Variants in ZNF609 observed in about 807,000 individuals in gnomAD.
ZNF609 encodes the protein zinc finger protein 609.
A neutral mutation model predicts 109.5 loss-of-function variants in ZNF609; 11 were observed. That is an observed-to-expected ratio of 0.10 (90% CI 0.06 to 0.17). The LOEUF is 0.17. ZNF609 is among the 10% of genes least tolerant of loss of function. The pLI, the probability that ZNF609 is intolerant of heterozygous loss-of-function variation, is 1.00. For missense variants in ZNF609, 1,559 were observed against 1,772.4 expected, an observed-to-expected ratio of 0.88 and a Z score of 2.16; for synonymous variants, 646 against 662.0, an observed-to-expected ratio of 0.98 and a Z score of 0.37.
rs545483394 is a variant in ZNF609 at position 64,507,038 on chromosome 15, T to TG, written c.747+6878dup. On this transcript the variant is annotated intron_variant, in intron 2 of 9. Coordinates refer to ENST00000326648, the MANE Select transcript of ZNF609 (RefSeq NM_015042.2). Reference sequence around the variant, plus strand: ...AGCCCCTGATAATTATAGTTGGAGGTGGGGGGAAGACCAAAAATTAGCTTA... The same window carrying TG: ...AGCCCCTGATAATTATAGTTGGAGGTGGGGGGGAAGACCAAAAATTAGCTTA... 1.2e-3 allele frequency among the ~76,000 whole-genome samples: 188 copies of TG among 152,130 alleles called. 1 individual carries two copies. Among genetic ancestry groups the TG allele is most frequent in the African/African-American group, 4.1e-3 (172 of 41,496 alleles).
At chr15:64,529,154 C>T in intron 2 of ZNF609, 2 of 744,292 alleles carry the variant, frequency 2.7e-6, no homozygotes, top group East Asian at 2.5e-5. Flanking sequence ...GTCATGAATC[C>T]TTCTATGATA....
chr15:64,674,375 G>A lies in ZNF609; in HGVS notation c.1521G>A (p.Lys507=). 1.2e-6 allele frequency: 2 copies of A among 1,614,118 alleles called. No individual in the cohort carries two copies. Among genetic ancestry groups the A allele is most frequent in the African/African-American group, 1.3e-5 (1 of 75,004 alleles). The change falls in exon 5 of 10, where the codon AAG becomes AAA. Residue 507 remains lysine (K), a synonymous_variant. Coordinates refer to ENST00000326648, the MANE Select transcript of ZNF609 (RefSeq NM_015042.2). ...CPHPNCNKKY[K]HINGLKYHQA... is the part of the protein sequence containing the mutation. ...ACCCAAACTGCAACAAGAAGTACAA[G>A]CACATCAATGGACTTAAGTACCACC... is the stretch of plus-strand genomic sequence containing the variant.
intron 3 of ZNF609, chr15:64,631,287 G>T: frequency 3.0e-6 from 2 of 665,170 alleles, no homozygotes; most frequent in Non-Finnish European, 5.6e-6. Flanking sequence ...AGCTATCTTG[G>T]CTTTTAGAGA....
intron 3 of ZNF609, among the ~76,000 whole-genome samples, chr15:64,634,972 C>T (rs10519273): frequency 0.043 from 6,478 of 152,174 alleles, 459 homozygotes; most frequent in African/African-American, 0.15. Context: ...GTTTATATAC[C>T]TTTGTGGATT....
intron 2 of ZNF609, among the ~76,000 whole-genome samples, chr15:64,616,413 G>T (rs999208441): frequency 1.3e-5 from 2 of 152,004 alleles, no homozygotes; most frequent in African/African-American, 4.8e-5. Flanking sequence ...TCTTTGTGGG[G>T]AGATGAATGA....
chr15:64,571,074 T>C (rs927574489), intron 2 of ZNF609, among the ~76,000 whole-genome samples: 2 of 152,210 alleles, frequency 1.3e-5, no homozygotes, highest in Admixed American at 6.5e-5. Flanking sequence ...CATATCTTTT[T>C]CTTTTTAAAA....
intron 2 of ZNF609, among the ~76,000 whole-genome samples, chr15:64,577,901 A>T (rs1170440223): frequency 6.6e-6 from 1 of 151,656 alleles, no homozygotes; most frequent in Admixed American, 6.6e-5. Flanking sequence ...TATGCCTGTA[A>T]CCCAACACTT....
At position 64,499,940 on chromosome 15, in the gene ZNF609, G is replaced by C. The variant is rs771648403; in HGVS notation, c.521G>C (p.Gly174Ala). ...AAGAGCAAGAAGGAGAGAAGCGAAG[G>C]AGTGGGGACTTGTTCAGAAAAGGAT... ...SSKSKKERSE[G>A]VGTCSEKDPG... is the part of the protein sequence containing the mutation. Residue 174 changes from glycine to alanine, a missense_variant, in exon 2 of 10, where the codon GGA becomes GCA. Physicochemically the swap from Gly to Ala is moderately conservative, Grantham distance 60. This residue lies in a region of ZNF609 where 291 missense variants were observed against 317.8 expected (regional missense o/e 0.92). Coordinates refer to ENST00000326648, the MANE Select transcript of ZNF609 (RefSeq NM_015042.2). 18 of 1,613,978 alleles carry C rather than the reference G, an allele frequency of 1.1e-5. No individual in the cohort carries two copies. Among genetic ancestry groups the C allele is most frequent in the Non-Finnish European group, 1.4e-5 (17 of 1,180,020 alleles).
At position 64,667,061 on chromosome 15, in the gene ZNF609, C is replaced by T. The variant is rs147148732; in HGVS notation, c.974-3285C>T. ...AGGAGAATGGCGTGAACCCGGGAGACGGAGCTTATAGTGAGCCGAGATTCG... is the reference window on the plus strand; with the variant it reads ...AGGAGAATGGCGTGAACCCGGGAGATGGAGCTTATAGTGAGCCGAGATTCG... On this transcript the variant is annotated intron_variant, in intron 3 of 9. Coordinates refer to ENST00000326648, the MANE Select transcript of ZNF609 (RefSeq NM_015042.2). Among the ~76,000 whole-genome samples, 572 of 152,000 alleles carry T rather than the reference C, an allele frequency of 3.8e-3. 5 individuals are homozygous for T. Among genetic ancestry groups the T allele is most frequent in the African/African-American group, 0.013 (551 of 41,496 alleles).
intron 4 of ZNF609, among the ~76,000 whole-genome samples, chr15:64,672,479 G>A (rs1896746946): frequency 1.3e-5 from 2 of 150,014 alleles, no homozygotes; most frequent in South Asian, 2.1e-4. Flanking sequence ...ACAAAAATTA[G>A]CTGGGCATGG....
At chr15:64,628,830 G>A (rs967071493) in intron 3 of ZNF609, among the ~76,000 whole-genome samples, 2 of 151,802 alleles carry the variant, frequency 1.3e-5, no homozygotes, top group South Asian at 2.1e-4. Flanking sequence ...TTTCCATTTC[G>A]GTCAGGCTGG....
chr15:64,641,314 TTCAAGCAATTC>T (rs1896253956), intron 3 of ZNF609, among the ~76,000 whole-genome samples: 1 of 146,870 alleles, frequency 6.8e-6, no homozygotes, highest in Non-Finnish European at 1.5e-5. Context: ...GCCTCCCAGG[TTCAAGCAATTC>T]TCCTGCTTCA....
At chr15:64,563,076 A>C (rs1272937364) in intron 2 of ZNF609, among the ~76,000 whole-genome samples, 1 of 152,032 alleles carries the variant, frequency 6.6e-6, no homozygotes, top group Admixed American at 6.6e-5. Context: ...CCTGGGGGTC[A>C]AGGCTGCAGT....
chr15:64,495,192 G>A (rs1893465943), intron 1 of ZNF609, among the ~76,000 whole-genome samples: 1 of 152,106 alleles, frequency 6.6e-6, no homozygotes, highest in African/African-American at 2.4e-5. Flanking sequence ...TATAACTTAC[G>A]GTTTGTCTTT....
chr15:64,660,430 T>C (rs1418084254), intron 3 of ZNF609, among the ~76,000 whole-genome samples: 2 of 151,726 alleles, frequency 1.3e-5, no homozygotes, highest in Non-Finnish European at 2.9e-5. Flanking sequence ...GTCCCACTTC[T>C]GGTTTTTATA....
At position 64,678,165 on chromosome 15, in the gene ZNF609, A is replaced by C. The variant is rs777883023; in HGVS notation, c.3452A>C (p.Asp1151Ala). 6.2e-7 allele frequency: 1 copy of C among 1,614,178 alleles called. No individual in the cohort carries two copies. The highest frequency in any genetic ancestry group is 1.1e-5 in the South Asian group (1 of 91,088). Residue 1151 changes from aspartate (D) to alanine (A), a missense_variant, in exon 6 of 10, where the codon GAC (aspartate) becomes GCC (alanine). Around this residue, in one of 4 missense-constraint regions of ZNF609, gnomAD observed 1,204 missense variants for 1,314.1 expected, o/e 0.92. Transcript: ENST00000326648. ...WTYVYPAKYS[D>A]IKSEDERWKE... is the part of the protein sequence containing the mutation. ...TATGTTTATCCTGCCAAGTACTCAG[A>C]CATCAAGTCAGAGGATGAGCGGTGG...
intron 2 of ZNF609, among the ~76,000 whole-genome samples, chr15:64,555,990 C>CTTTTTTTTTTTT (rs796942761): frequency 7.1e-6 from 1 of 140,134 alleles, no homozygotes. Context: ...CAATAACTAC[C>CTTTTTTTTTTTT]TTTTTTTTTT....
At chr15:64,612,767 T>G (rs982551430) in intron 2 of ZNF609, among the ~76,000 whole-genome samples, 13 of 151,674 alleles carry the variant, frequency 8.6e-5, no homozygotes, top group African/African-American at 3.1e-4. Flanking sequence ...GTAATCCCAG[T>G]ACTTTGGGAG....
At position 64,644,095 on chromosome 15, in the gene ZNF609, C is replaced by A. The variant is rs531375319; in HGVS notation, c.973+21043C>A. On this transcript the variant is annotated intron_variant, in intron 3 of 9. Coordinates refer to ENST00000326648, the MANE Select transcript of ZNF609 (RefSeq NM_015042.2). ...CTCTAACCTGGGCAACAGAGCAAGA[C>A]CCTGTCTCAAAATATATGTGGGAAC... Among the ~76,000 whole-genome samples the A allele has an allele frequency of 2.6e-5, 4 of 151,832 alleles. No homozygotes were observed. The South Asian group carries it at 6.3e-4, about 24-fold the overall frequency.
Sources: allele counts gnomAD v4.1 joint callset (sites outside exome capture counted in the v4.1 genomes callset), GRCh38; gene constraint gnomAD v4.1.1; regional missense constraint gnomAD v4.1.1; transcripts MANE v1.5; gene names NCBI Gene and HGNC (gene_info 2026-07-23, HGNC 2026-07-21).